The following RBFOX1 variants were observed in gnomAD, a reference collection of about 807,000 sequenced individuals.
RBFOX1 encodes RNA binding protein fox-1 homolog 1.
In RBFOX1, 8 loss-of-function variants were observed where a neutral mutation model predicts 57.7. That is an observed-to-expected ratio of 0.14 (90% CI 0.08 to 0.25). RBFOX1 has a LOEUF of 0.25. Among genes scored for constraint, RBFOX1 ranks in the 10% least tolerant of loss-of-function variants. The pLI, the probability that RBFOX1 is intolerant of heterozygous loss-of-function variation, is 1.00. For synonymous variants in RBFOX1, 326 were observed against 222.4 expected (o/e 1.47, Z -4.15); for missense variants, 611 against 548.5 (o/e 1.11, Z -1.14).
At chr16:6,074,863 G>T (rs2095876946) in intron 1 of RBFOX1, among the ~76,000 whole-genome samples, 1 of 152,150 alleles carries the variant, frequency 6.6e-6, no homozygotes, top group African/African-American at 2.4e-5. Flanking sequence ...TGACTCAGAA[G>T]GCTGAGGTGG....
At chr16:6,361,274 G>A (rs897560266) in intron 2 of RBFOX1, among the ~76,000 whole-genome samples, 64 of 152,072 alleles carry the variant, frequency 4.2e-4, no homozygotes, top group Admixed American at 1.3e-4. Context: ...GGGCAAATTT[G>A]GGGAAAAGAT....
At chr16:6,668,025 C>T (rs1469786952) in intron 3 of RBFOX1, among the ~76,000 whole-genome samples, 3 of 152,236 alleles carry the variant, frequency 2.0e-5, no homozygotes, top group Admixed American at 1.3e-4. Flanking sequence ...ACATCTAGGA[C>T]AAGTTAAGAT....
intron 4 of RBFOX1, among the ~76,000 whole-genome samples, chr16:6,003,642 C>T (rs1158796986): frequency 6.6e-6 from 1 of 152,216 alleles, no homozygotes; most frequent in African/African-American, 2.4e-5. Flanking sequence ...CTTTTCTTTC[C>T]TATTGGGATC....
intron 3 of RBFOX1, among the ~76,000 whole-genome samples, chr16:5,672,316 T>C (rs374282111): frequency 5.9e-5 from 9 of 152,188 alleles, no homozygotes; most frequent in African/African-American, 2.2e-4. Flanking sequence ...CAGGTTATTC[T>C]GATGCCATGT....
intron 2 of RBFOX1, among the ~76,000 whole-genome samples, chr16:6,488,675 A>G (rs776945731): frequency 2.6e-5 from 4 of 152,210 alleles, no homozygotes; most frequent in Non-Finnish European, 5.9e-5. Context: ...TTTACACATA[A>G]TGGGTACTTA....
At chr16:6,255,559 C>T (rs1435307143) in intron 1 of RBFOX1, among the ~76,000 whole-genome samples, 1 of 152,056 alleles carries the variant, frequency 6.6e-6, no homozygotes, top group African/African-American at 2.4e-5. Context: ...TGGGTGCCAA[C>T]AGGAGGAATG....
chr16:7,437,351 G>T (rs2098731129), intron 4 of RBFOX1, among the ~76,000 whole-genome samples: 1 of 151,702 alleles, frequency 6.6e-6, no homozygotes, highest in Admixed American at 6.6e-5. Flanking sequence ...ATCAAACATG[G>T]GGAAAATGAC....
chr16:7,048,652 C>A (rs8055935), intron 3 of RBFOX1, among the ~76,000 whole-genome samples: 18,712 of 152,044 alleles, frequency 0.12, 1,966 homozygotes, highest in East Asian at 0.29. Context: ...CGTTTGGAGT[C>A]GTTTTATAAC....
chr16:5,842,905 G>A (rs1257878923), intron 3 of RBFOX1, among the ~76,000 whole-genome samples: 2 of 152,164 alleles, frequency 1.3e-5, no homozygotes, highest in South Asian at 2.1e-4. Flanking sequence ...TGCAACCTCC[G>A]CCTCTTGGAT....
chr16:7,648,042 T>G (rs2064109604), intron 11 of RBFOX1, among the ~76,000 whole-genome samples: 1 of 152,106 alleles, frequency 6.6e-6, no homozygotes. Context: ...CCACCACACC[T>G]GTAGGCAAAT....
intron 1 of RBFOX1, among the ~76,000 whole-genome samples, chr16:5,327,764 C>G (rs1283224930): frequency 6.6e-6 from 1 of 152,136 alleles, no homozygotes. Flanking sequence ...CTCATTAAGC[C>G]AAGCGAAAAT....
chr16:7,486,605 A>C, intron 4 of RBFOX1, among the ~76,000 whole-genome samples: 1 of 152,168 alleles, frequency 6.6e-6, no homozygotes, highest in East Asian at 1.9e-4. Flanking sequence ...AGCACCTGGC[A>C]TTCACAGTGT....
intron 4 of RBFOX1, among the ~76,000 whole-genome samples, chr16:7,477,397 T>G (rs2062961494): frequency 6.6e-6 from 1 of 152,178 alleles, no homozygotes; most frequent in Non-Finnish European, 1.5e-5. Context: ...AAAGAGGGTT[T>G]ACCCGTGGGG....
intron 4 of RBFOX1, among the ~76,000 whole-genome samples, chr16:7,068,111 C>T (rs1202235488): frequency 6.6e-6 from 1 of 151,940 alleles, no homozygotes; most frequent in Non-Finnish European, 1.5e-5. Flanking sequence ...CATGTGATTA[C>T]GTTGGGTCCA....
intron 2 of RBFOX1, among the ~76,000 whole-genome samples, chr16:6,345,405 G>A (rs2085223708): frequency 6.6e-6 from 1 of 152,190 alleles, no homozygotes; most frequent in Non-Finnish European, 1.5e-5. Context: ...GACATTTCTA[G>A]GAAATGGGTG....
intron 2 of RBFOX1, among the ~76,000 whole-genome samples, chr16:6,385,356 G>GTTTTA (rs1369880743): frequency 6.6e-6 from 1 of 152,032 alleles, no homozygotes; most frequent in East Asian, 1.9e-4. Flanking sequence ...CTTTATTTTT[G>GTTTTA]TTTTATTTTA....
At chr16:7,079,792 A>G (rs2058873064) in intron 4 of RBFOX1, among the ~76,000 whole-genome samples, 1 of 151,902 alleles carries the variant, frequency 6.6e-6, no homozygotes, top group African/African-American at 2.4e-5. Flanking sequence ...CAAACTGTAC[A>G]CTTAAGATTT....
intron 1 of RBFOX1, among the ~76,000 whole-genome samples, chr16:6,214,835 G>A: frequency 1.1e-5 from 1 of 87,782 alleles, no homozygotes; most frequent in Non-Finnish European, 2.3e-5. Flanking sequence ...GGGAGAGGGG[G>A]AGGGGGACAG....
At position 6,640,629 on chromosome 16, in the gene RBFOX1, A is replaced by G. The variant is rs59048299; in HGVS notation, c.-63-13974A>G. ...TTGCCAAATAAATAAATAAATAAAT[A>G]AATAAATACTACTTTATAGAGCCAG... is the stretch of plus-strand genomic sequence containing the variant. On this transcript the variant is annotated intron_variant, in intron 2 of 15. Coordinates refer to ENST00000550418, the MANE Select transcript of RBFOX1 (RefSeq NM_018723.4). Among the ~76,000 whole-genome samples, 217 of 147,898 alleles carry G rather than the reference A, an allele frequency of 1.5e-3. 1 individual carries two copies. The highest frequency in any genetic ancestry group is 4.7e-3 in the African/African-American group (193 of 41,188).
Sources: gnomAD v4.1 joint callset for allele counts (sites outside exome capture counted in the v4.1 genomes callset) on GRCh38, gnomAD v4.1.1 for gene constraint, MANE v1.5 for transcripts, NCBI Gene and HGNC (gene_info 2026-07-23, HGNC 2026-07-21) for gene names.